MLIP: variants seen among roughly 807,000 people sequenced by gnomAD.
MLIP encodes the protein muscular LMNA-interacting protein.
MLIP carries 79 observed loss-of-function variants against 84.8 expected under a neutral mutation model. The ratio of observed to expected loss-of-function variants is 0.93; its 90% confidence interval spans 0.78 to 1.12. The LOEUF (loss-of-function observed/expected upper bound fraction) is 1.12. Ranked by LOEUF, MLIP falls within the 50% of genes most tolerant of loss-of-function variation. The pLI, the probability that MLIP is intolerant of heterozygous loss-of-function variation, is 0.00. For missense variants in MLIP, 1,257 were observed against 1,160.6 expected (o/e 1.08, Z -1.21); for synonymous variants, 504 against 463.0 (o/e 1.09, Z -1.14).
chr6:54,103,326 G>T (rs1768787816), intron 1 of MLIP, among the ~76,000 whole-genome samples: 1 of 152,156 alleles, frequency 6.6e-6, no homozygotes. Context: ...TTGCAAATAA[G>T]TAGTCTGATT....
chr6:54,105,875 G>C (rs905376322), intron 1 of MLIP, among the ~76,000 whole-genome samples: 2 of 152,096 alleles, frequency 1.3e-5, no homozygotes, highest in African/African-American at 4.8e-5. Flanking sequence ...AGAGTGGTAG[G>C]TGTAAGATCA....
chr6:54,141,312 C>CTTTTTTTTTT (rs376576497), intron 4 of MLIP, among the ~76,000 whole-genome samples: 2,219 of 128,246 alleles, frequency 0.017, 206 homozygotes, highest in African/African-American at 0.061. Flanking sequence ...CTCAGCCTGC[C>CTTTTTTTTTT]TTTTTTTTTT....
intron 8 of MLIP, among the ~76,000 whole-genome samples, chr6:54,165,498 C>T (rs1027468853): frequency 2.6e-5 from 4 of 151,878 alleles, no homozygotes; most frequent in African/African-American, 9.7e-5. Context: ...CTCAGTTCAC[C>T]CCATTGATCT....
chr6:54,031,323 C>T (rs1764121850), intron 1 of MLIP: 2 of 152,062 alleles, frequency 1.3e-5, no homozygotes, highest in Non-Finnish European at 2.9e-5. Context: ...TGGTGCTTTA[C>T]TCCTTATCCG....
intron 1 of MLIP, among the ~76,000 whole-genome samples, chr6:54,096,189 C>A (rs143798434): frequency 1.3e-5 from 2 of 152,044 alleles, no homozygotes; most frequent in Admixed American, 6.6e-5. Context: ...CTTTTTAAGA[C>A]CTTTTTTGGG....
intron 3 of MLIP, among the ~76,000 whole-genome samples, chr6:54,136,172 T>C (rs913745819): frequency 6.6e-6 from 1 of 152,210 alleles, no homozygotes; most frequent in South Asian, 2.1e-4. Context: ...TGTGTTGACA[T>C]TGGGTGTTTC....
chr6:54,143,786 T>C (rs1772536779), intron 4 of MLIP, among the ~76,000 whole-genome samples: 1 of 152,206 alleles, frequency 6.6e-6, no homozygotes, highest in African/African-American at 2.4e-5. Context: ...TTCAATTAGA[T>C]ATTTCAAGTC....
Position 54,138,164 on chromosome 6 carries a change from AC to A in MLIP, c.2100del (p.Asn701ThrfsTer15). 2 of 1,535,822 alleles carry A rather than the reference AC, an allele frequency of 1.3e-6. No individual in the cohort carries two copies. The highest frequency in any genetic ancestry group is 1.7e-6 in the Non-Finnish European group (2 of 1,146,834). ...PSRLGKSEST[T>X]PNHRSPVSTP... ...AAGACTTGGGAAATCTGAAAGCACC[AC>A]CCCCAACCACAGGTCACCTGTTTCA... On this transcript the variant is annotated frameshift_variant, in exon 4 of 14. Coordinates refer to ENST00000502396, the MANE Select transcript of MLIP (RefSeq NM_001281747.2). LOFTEE classifies it high-confidence loss of function.
intron 1 of MLIP, among the ~76,000 whole-genome samples, chr6:54,053,763 C>T (rs889697591): frequency 2.6e-5 from 4 of 152,268 alleles, no homozygotes; most frequent in Non-Finnish European, 4.4e-5. Flanking sequence ...TTCCTTGTTA[C>T]AATTTTTATT....
intron 12 of MLIP, among the ~76,000 whole-genome samples, chr6:54,252,292 T>TA (rs1782667803): frequency 2.6e-5 from 3 of 116,606 alleles, no homozygotes; most frequent in Non-Finnish European, 4.8e-5. Flanking sequence ...TAATATATTA[T>TA]ACCATATAAT....
At chr6:54,218,521 T>C (rs1258686631) in intron 11 of MLIP, among the ~76,000 whole-genome samples, 1 of 152,126 alleles carries the variant, frequency 6.6e-6, no homozygotes, top group Non-Finnish European at 1.5e-5. Flanking sequence ...CTACACTAAA[T>C]TTATTAATAT....
chr6:54,202,378 T>C (rs1372443063), intron 11 of MLIP, 145 bp downstream of exon 11: 1 of 343,512 alleles, frequency 2.9e-6, no homozygotes, highest in African/African-American at 2.2e-5. Context: ...GTTCATTTGA[T>C]TGGAATATAT....
chr6:54,022,716 A>T (rs1291963407), intron 1 of MLIP, among the ~76,000 whole-genome samples: 4 of 152,176 alleles, frequency 2.6e-5, no homozygotes, highest in Non-Finnish European at 5.9e-5. Context: ...AAAAATGATC[A>T]TGTACCTCAG....
At chr6:54,075,496 T>C (rs1316032925) in intron 1 of MLIP, among the ~76,000 whole-genome samples, 2 of 152,146 alleles carry the variant, frequency 1.3e-5, no homozygotes, top group South Asian at 2.1e-4. Context: ...TGCTAATATA[T>C]GAGTCTGTTA....
intron 11 of MLIP, among the ~76,000 whole-genome samples, chr6:54,207,276 T>C (rs1779095545): frequency 6.6e-6 from 1 of 152,128 alleles, no homozygotes; most frequent in South Asian, 2.1e-4. Flanking sequence ...CAAATTATCA[T>C]CAGCACGATA....
At chr6:54,236,785 T>C (rs1196023387) in intron 12 of MLIP, among the ~76,000 whole-genome samples, 1 of 152,138 alleles carries the variant, frequency 6.6e-6, no homozygotes, top group African/African-American at 2.4e-5. Flanking sequence ...AATAAGTATG[T>C]TAGGTAAGCT....
intron 9 of MLIP, among the ~76,000 whole-genome samples, 174 bp downstream of exon 9, chr6:54,169,746 C>A (rs569433710): frequency 6.6e-6 from 1 of 151,636 alleles, no homozygotes; most frequent in South Asian, 2.1e-4. Flanking sequence ...GATAAAACAT[C>A]AGGTAAGCTT....
intron 1 of MLIP, among the ~76,000 whole-genome samples, chr6:54,039,569 G>T (rs1764629132): frequency 6.6e-6 from 1 of 151,754 alleles, no homozygotes; most frequent in African/African-American, 2.4e-5. Context: ...CTGTGAATCT[G>T]GTTTCAAATG....
Position 54,217,451 on chromosome 6 carries a change from G to A in MLIP, c.2719-13263G>A, listed in dbSNP as rs1403145128. On this transcript the variant is annotated intron_variant, in intron 11 of 13. Transcript: ENST00000502396. ...TAGAGCACCAAATGCATCAGATATG[G>A]CTATAACACTAATTTTCTGATGTGT... The A allele has an allele frequency of 3.0e-6, 3 of 985,162 alleles. No individual in the cohort carries two copies. In the South Asian group the frequency reaches 1.4e-4, roughly 46 times the overall value. 61.0% of individuals were successfully genotyped at this position (985,162 alleles called of 1,614,324 possible).
Sources: gnomAD v4.1 joint callset for allele counts (sites outside exome capture counted in the v4.1 genomes callset) on GRCh38, gnomAD v4.1.1 for gene constraint, MANE v1.5 for transcripts, NCBI Gene and HGNC (gene_info 2026-07-23, HGNC 2026-07-21) for gene names.